BTD: variants seen among roughly 807,000 people sequenced by gnomAD.
BTD encodes biotinidase.
Under a neutral mutation model 17.7 loss-of-function variants are expected in BTD, and 13 were observed. The observed-to-expected ratio is 0.74, with a 90% confidence interval of 0.48 to 1.17. The LOEUF is 1.17. Among genes scored for constraint, BTD ranks in the 50% most tolerant of loss-of-function variants. The pLI is 0.00. For synonymous variants in BTD, 240 were observed against 245.2 expected, an observed-to-expected ratio of 0.98 and a Z score of 0.20; for missense variants, 674 against 650.4, an observed-to-expected ratio of 1.04 and a Z score of -0.39.
At chr3:15,703,555 G>A (rs747986365) in intron 3 of BTD, among the ~76,000 whole-genome samples, 13 of 152,126 alleles carry the variant, frequency 8.5e-5, no homozygotes, top group Admixed American at 2.0e-4. Context: ...AGAGGAAGTG[G>A]GCCTTCTCCA....
chr3:15,623,909 T>G (rs554528022), intron 1 of BTD, among the ~76,000 whole-genome samples: 1 of 152,374 alleles, frequency 6.6e-6, no homozygotes, highest in African/African-American at 2.4e-5. Context: ...GTGAGTCAGT[T>G]AAACCCCTTT....
Position 15,644,354 on chromosome 3 carries a change from T to G in BTD, c.438T>G (p.Asp146Glu). Residue 146 changes from aspartate (D) to glutamate (E), a missense_variant, in exon 4 of 4, where the codon GAT becomes GAG. Coordinates refer to ENST00000643237, the MANE Select transcript of BTD (RefSeq NM_001370658.1). Reference protein sequence around the residue: ...QRLSCMAIRGDMFLVANLGTK... With the variant: ...QRLSCMAIRGEMFLVANLGTK... ...TGAGTTGTATGGCCATCAGGGGAGA[T>G]ATGTTCTTGGTGGCCAATCTTGGGA... The G allele has an allele frequency of 6.2e-7, 1 of 1,614,032 alleles. No homozygotes were observed. The highest frequency in any genetic ancestry group is 8.5e-7 in the Non-Finnish European group (1 of 1,179,994).
chr3:15,661,624 C>T (rs2065926285), intron 3 of BTD, among the ~76,000 whole-genome samples: 2 of 152,144 alleles, frequency 1.3e-5, no homozygotes, highest in Admixed American at 1.3e-4. Context: ...GACAGTGTCT[C>T]ACAGAGCAGA....
At chr3:15,671,490 C>T (rs2066346740) in intron 3 of BTD, among the ~76,000 whole-genome samples, 1 of 152,106 alleles carries the variant, frequency 6.6e-6, no homozygotes, top group African/African-American at 2.4e-5. Flanking sequence ...CCAGTCGTTA[C>T]ACCTTTCTTC....
At position 15,644,457 on chromosome 3, in the gene BTD, A is replaced by G. The variant is rs1468022928; in HGVS notation, c.541A>G (p.Ser181Gly). Residue 181 changes from serine to glycine, a missense_variant, in exon 4 of 4, where the codon AGC (serine) becomes GGC (glycine). Coordinates refer to ENST00000643237, the MANE Select transcript of BTD (RefSeq NM_001370658.1). ...CCAGTTCAACACAAATGTCGTGTTC[A>G]GCAATAATGGAACCCTTGTTGACCG... is the stretch of plus-strand genomic sequence containing the variant. Reference protein sequence around the residue: ...RYQFNTNVVFSNNGTLVDRYR... With the variant: ...RYQFNTNVVFGNNGTLVDRYR... 1.9e-6 allele frequency: 3 copies of G among 1,614,202 alleles called. No homozygotes were observed. Among genetic ancestry groups the G allele is most frequent in the Non-Finnish European group, 2.5e-6 (3 of 1,180,036 alleles).
At chr3:15,687,706 C>T (rs915146890) in intron 3 of BTD, among the ~76,000 whole-genome samples, 42 of 152,038 alleles carry the variant, frequency 2.8e-4, no homozygotes, top group African/African-American at 9.9e-4. Context: ...CTCTCCTACC[C>T]TAGTCCAATC....
intron 2 of BTD, among the ~76,000 whole-genome samples, chr3:15,638,923 A>G (rs1161385017): frequency 3.3e-5 from 5 of 152,244 alleles, no homozygotes; most frequent in Non-Finnish European, 5.9e-5. Context: ...TTATAATCTT[A>G]TGGGACCACC....
chr3:15,678,020 G>GA (rs906914985), intron 3 of BTD, among the ~76,000 whole-genome samples: 1 of 152,144 alleles, frequency 6.6e-6, no homozygotes, highest in Non-Finnish European at 1.5e-5. Context: ...TGGTAAAGTA[G>GA]ACTCCTCAAT....
At chr3:15,670,208 C>G in intron 3 of BTD, 3 of 1,543,782 alleles carry the variant, frequency 1.9e-6, no homozygotes, top group East Asian at 2.3e-5. Flanking sequence ...TATCAAAGTG[C>G]CTTTTTCCTG....
At chr3:15,632,888 G>A (rs1225500494) in intron 1 of BTD, 4 of 152,290 alleles carry the variant, frequency 2.6e-5, no homozygotes, top group Non-Finnish European at 5.9e-5. Flanking sequence ...GCCAAAGAGA[G>A]AAAAGCAGCA....
intron 3 of BTD, chr3:15,678,304 A>C: frequency 6.2e-7 from 1 of 1,613,004 alleles, no homozygotes; most frequent in African/African-American, 1.3e-5. Context: ...GCTGAGCAGC[A>C]GCTGTAAACA....
downstream of BTD, among the ~76,000 whole-genome samples, chr3:15,712,958 A>G (rs2126080084): frequency 6.6e-6 from 1 of 152,368 alleles, no homozygotes; most frequent in South Asian, 2.1e-4. Flanking sequence ...TGTGATACAA[A>G]GAATGATAAA....
intron 3 of BTD, among the ~76,000 whole-genome samples, chr3:15,709,336 G>A (rs1475905862): frequency 6.6e-6 from 1 of 152,034 alleles, no homozygotes; most frequent in Non-Finnish European, 1.5e-5. Flanking sequence ...TATTTTCTAG[G>A]TATTGTGAGT....
chr3:15,719,162 G>A (rs760052262), intron 4 of BTD, among the ~76,000 whole-genome samples: 1 of 152,150 alleles, frequency 6.6e-6, no homozygotes, highest in Non-Finnish European at 1.5e-5. Flanking sequence ...GGTGTAGTAT[G>A]TATACATTTT....
intron 1 of BTD, among the ~76,000 whole-genome samples, chr3:15,621,040 G>A (rs969861513): frequency 1.3e-5 from 2 of 152,238 alleles, no homozygotes; most frequent in Non-Finnish European, 2.9e-5. Context: ...AAGGGCAGGA[G>A]AGGAAGGGTA....
intron 1 of BTD, among the ~76,000 whole-genome samples, chr3:15,624,710 A>G (rs1048571998): frequency 1.3e-5 from 2 of 151,888 alleles, no homozygotes; most frequent in African/African-American, 4.8e-5. Context: ...TCCCTGCCAT[A>G]TCTGACTCTG....
At position 15,720,828 on chromosome 3, in the gene BTD, C is replaced by T. The variant is rs114872671; in HGVS notation, c.1016-942C>T. The T allele has an allele frequency of 3.7e-4, 442 of 1,193,788 alleles. No individual in the cohort carries two copies. The African/African-American group carries it at 6.2e-3, about 17-fold the overall frequency. 73.9% of individuals were successfully genotyped at this position (1,193,788 alleles called of 1,614,324 possible). ...CCATGTTCTTGAGTTTATCAATATT[C>T]CTTTTTATTGCTCAATGGTATTCAC... is the stretch of plus-strand genomic sequence containing the variant. On this transcript the variant is annotated intron_variant, in intron 4 of 4. Coordinates refer to the BTD transcript ENST00000672427.
chr3:15,669,088 G>T (rs1575052201), intron 3 of BTD: 1 of 152,176 alleles, frequency 6.6e-6, no homozygotes, highest in Admixed American at 6.5e-5. Context: ...ATAGTAACAG[G>T]TTACAAACAT....
At chr3:15,714,402 A>C (rs2072730182), downstream of BTD, among the ~76,000 whole-genome samples, 1 of 152,118 alleles carries the variant, frequency 6.6e-6, no homozygotes, top group Non-Finnish European at 1.5e-5. Flanking sequence ...TGAAAGATAC[A>C]GCTACGTGGT....
Sources: gnomAD v4.1 joint callset for allele counts (sites outside exome capture counted in the v4.1 genomes callset) on GRCh38, gnomAD v4.1.1 for gene constraint, MANE v1.5 for transcripts, NCBI Gene and HGNC (gene_info 2026-07-23, HGNC 2026-07-21) for gene names.